ABI3BP: variants seen among roughly 807,000 people sequenced by gnomAD.
ABI3BP encodes the protein ABI family member 3 binding protein.
In ABI3BP, 216 loss-of-function variants were observed where a neutral mutation model predicts 268.6. The observed-to-expected ratio is 0.80, with a 90% CI of 0.72 to 0.90. The LOEUF is 0.90. ABI3BP is among the 40% of genes least tolerant of loss of function. The probability of loss-of-function intolerance (pLI) is 0.00; values close to 1 mark genes in which losing one functional copy is unlikely to be tolerated. For missense variants in ABI3BP, 2,090 were observed against 2,182.4 expected, an observed-to-expected ratio of 0.96 and a Z score of 0.84; for synonymous variants, 730 against 730.0, an observed-to-expected ratio of 1.00 and a Z score of 0.00.
At chr3:100,827,602 G>C (rs933356555) in intron 34 of ABI3BP, among the ~76,000 whole-genome samples, 3 of 152,196 alleles carry the variant, frequency 2.0e-5, no homozygotes, top group South Asian at 4.1e-4. Flanking sequence ...TCCAAAGCTT[G>C]GTAGATTTTC....
intron 51 of ABI3BP, among the ~76,000 whole-genome samples, chr3:100,801,716 A>G (rs2097542102): frequency 6.6e-6 from 1 of 152,176 alleles, no homozygotes; most frequent in African/African-American, 2.4e-5. Flanking sequence ...AAAATTACAT[A>G]GTACATCCTT....
intron 23 of ABI3BP, 142 bp from the exon 24 acceptor site, chr3:100,839,758 C>A: frequency 1.1e-6 from 1 of 940,362 alleles, no homozygotes; most frequent in Admixed American, 2.0e-5. Flanking sequence ...TCCCATTTTC[C>A]TTTCTCCTTG....
chr3:100,751,392 T>G (rs2095318238), intron 67 of ABI3BP, among the ~76,000 whole-genome samples, 160 bp downstream of exon 67: 1 of 152,192 alleles, frequency 6.6e-6, no homozygotes, highest in Non-Finnish European at 1.5e-5. Context: ...GCTCCAGGTT[T>G]CTAAGCTGAG....
At chr3:100,975,825 T>C (rs1189129401) in intron 1 of ABI3BP, among the ~76,000 whole-genome samples, 1 of 151,820 alleles carries the variant, frequency 6.6e-6, no homozygotes, top group Non-Finnish European at 1.5e-5. Context: ...CACCCTGAAA[T>C]ATAAAAAAAC....
intron 60 of ABI3BP, 36 bp downstream of exon 60, chr3:100,775,171 G>A: frequency 6.2e-7 from 1 of 1,606,012 alleles, no homozygotes. Context: ...GCACCTCACA[G>A]CTAAGTATCC....
intron 51 of ABI3BP, among the ~76,000 whole-genome samples, chr3:100,801,702 G>C (rs920626154): frequency 6.6e-6 from 1 of 151,972 alleles, no homozygotes; most frequent in Non-Finnish European, 1.5e-5. Context: ...TTTTAACAAA[G>C]AATAAAATTA....
At chr3:100,843,708 G>A in intron 20 of ABI3BP, 1 of 984,158 alleles carries the variant, frequency 1.0e-6, no homozygotes, top group South Asian at 4.7e-5. Flanking sequence ...GATGCTATAG[G>A]ACAAGAAGAA....
chr3:100,985,856 A>C lies in ABI3BP; in HGVS notation c.79+7450T>G, dbSNP rs577878430. Among the ~76,000 whole-genome samples the C allele has an allele frequency of 3.9e-5, 6 of 152,350 alleles. No individual in the cohort carries two copies. In the South Asian group the frequency reaches 6.2e-4, roughly 16 times the overall value. Reference sequence around the variant, plus strand: ...GCTTAATTCTTTAGGAAGTTGACGGAGTTTTAATGCTTAAACCAGTATATT... The same window carrying C: ...GCTTAATTCTTTAGGAAGTTGACGGCGTTTTAATGCTTAAACCAGTATATT... On this transcript the variant is annotated intron_variant, in intron 1 of 67. Transcript: ENST00000471714.
intron 57 of ABI3BP, among the ~76,000 whole-genome samples, chr3:100,787,284 G>A (rs751863383): frequency 4.6e-5 from 7 of 152,072 alleles, no homozygotes; most frequent in African/African-American, 1.4e-4. Context: ...TTAAATATTT[G>A]TTGTTTAAAT....
intron 1 of ABI3BP, among the ~76,000 whole-genome samples, chr3:100,966,343 G>C (rs983455948): frequency 6.6e-6 from 1 of 152,218 alleles, no homozygotes; most frequent in African/African-American, 2.4e-5. Context: ...TGAAGGAAGT[G>C]AGGCAATGCT....
intron 1 of ABI3BP, among the ~76,000 whole-genome samples, chr3:100,965,083 CCTT>C (rs1344666420): frequency 1.3e-5 from 2 of 152,122 alleles, no homozygotes; most frequent in Non-Finnish European, 2.9e-5. Context: ...TGGAGTGGAG[CCTT>C]CTTATTGGTC....
intron 22 of ABI3BP, among the ~76,000 whole-genome samples, chr3:100,840,542 T>G (rs9846950): frequency 0.7 from 106,372 of 152,040 alleles, 38,230 homozygotes; most frequent in African/African-American, 0.87. Flanking sequence ...TTTAAACAGA[T>G]AAATTTTTCA....
At chr3:100,825,017 G>T in intron 35 of ABI3BP, 76 bp from the exon 36 acceptor site, 1 of 1,239,400 alleles carries the variant, frequency 8.1e-7, no homozygotes, top group Non-Finnish European at 1.1e-6. Flanking sequence ...TCCAAAGCTT[G>T]TCAGATCTCC....
chr3:100,792,931 A>G (rs1461624533), intron 54 of ABI3BP, among the ~76,000 whole-genome samples, 163 bp from the exon 55 acceptor site: 1 of 151,966 alleles, frequency 6.6e-6, no homozygotes, highest in East Asian at 1.9e-4. Context: ...GTACATTTTA[A>G]TAACTCTCAT....
chr3:100,878,706 G>A (rs1399047833), intron 6 of ABI3BP, among the ~76,000 whole-genome samples: 2 of 152,138 alleles, frequency 1.3e-5, no homozygotes, highest in African/African-American at 2.4e-5. Flanking sequence ...TTCCCCAGGG[G>A]AGAAAAGTTA....
rs141284387 is a variant in ABI3BP, at chr3:100,881,602, T to C, written c.696+3934A>G. ...AATATTAGCCATCATTCTTTATTTTTTAAAATAATAAAACCTAATAGTAAA... is the reference window on the plus strand; with the variant it reads ...AATATTAGCCATCATTCTTTATTTTCTAAAATAATAAAACCTAATAGTAAA... On this transcript the variant is annotated intron_variant, in intron 6 of 67. Coordinates refer to ENST00000471714, the MANE Select transcript of ABI3BP (RefSeq NM_001375547.2). Among the ~76,000 whole-genome samples the C allele has an allele frequency of 3.0e-3, 462 of 152,150 alleles. 8 individuals carry two copies. In the East Asian group the frequency reaches 0.039, roughly 13 times the overall value.
chr3:100,753,756 G>C, intron 65 of ABI3BP, 63 bp downstream of exon 65: 1 of 1,557,022 alleles, frequency 6.4e-7, no homozygotes, highest in African/African-American at 1.4e-5. Flanking sequence ...ATTCTGCCAT[G>C]CCTGTTCAGT....
chr3:100,878,983 T>G (rs2099196407), intron 6 of ABI3BP, among the ~76,000 whole-genome samples: 1 of 152,240 alleles, frequency 6.6e-6, no homozygotes, highest in African/African-American at 2.4e-5. Flanking sequence ...CCAAGCTAAT[T>G]ACCATATCCA....
chr3:100,840,196 G>A, intron 22 of ABI3BP, 32 bp from the exon 23 acceptor site: 1 of 1,465,768 alleles, frequency 6.8e-7, no homozygotes, highest in Non-Finnish European at 9.1e-7. Context: ...GTTAATACAA[G>A]AAGGGTGGAT....
Sources: allele counts gnomAD v4.1 joint callset (sites outside exome capture counted in the v4.1 genomes callset), GRCh38; gene constraint gnomAD v4.1.1; transcripts MANE v1.5; gene names NCBI Gene and HGNC (gene_info 2026-07-23, HGNC 2026-07-21).